Variants in SYCP2 observed in about 807,000 individuals in gnomAD.
The protein encoded by SYCP2 is synaptonemal complex lateral element protein.
In SYCP2, 55 loss-of-function variants were observed where a neutral mutation model predicts 211.3. The ratio of observed to expected loss-of-function variants is 0.26; its 90% CI spans 0.21 to 0.33. SYCP2 has a LOEUF of 0.33. Among genes scored for constraint, SYCP2 ranks in the 10% least tolerant of loss-of-function variants. The pLI is 1.00. For missense variants in SYCP2, 1,731 were observed against 1,752.0 expected, an observed-to-expected ratio of 0.99 and a Z score of 0.21; for synonymous variants, 570 against 555.2, an observed-to-expected ratio of 1.03 and a Z score of -0.37.
At chr20:59,879,335 TGTATCTGGTG>T (rs769008795) in intron 31 of SYCP2, among the ~76,000 whole-genome samples, 1,795 of 152,062 alleles carry the variant, frequency 0.012, 125 homozygotes, top group Admixed American at 0.098. Flanking sequence ...TACTTCCTCA[TGTATCTGGTG>T]ACCTCTCACC....
At position 59,921,337 on chromosome 20, in the gene SYCP2, G is replaced by C. The variant is rs1471723830; in HGVS notation, c.141C>G (p.Phe47Leu). The C allele has an allele frequency of 1.9e-6, 3 of 1,606,516 alleles. No individual in the cohort carries two copies. Among genetic ancestry groups the C allele is most frequent in the South Asian group, 1.1e-5 (1 of 90,250 alleles). Residue 47 changes from phenylalanine to leucine, a missense_variant, in exon 4 of 45, where the codon TTC (phenylalanine) becomes TTG (leucine). Coordinates refer to ENST00000357552, the MANE Select transcript of SYCP2 (RefSeq NM_014258.4). ...TGCATATAAGGTTGTCCACCTTGTG[G>C]AAAAACTGTTTGCTGCATTTAATCT... is the stretch of plus-strand genomic sequence containing the variant. Reference protein sequence around the residue: ...DVKIKCSKQFFHKVDNLICRE... With the variant: ...DVKIKCSKQFLHKVDNLICRE...
intron 26 of SYCP2, among the ~76,000 whole-genome samples, chr20:59,884,831 A>C (rs2059754538): frequency 6.6e-6 from 1 of 152,102 alleles, no homozygotes; most frequent in Non-Finnish European, 1.5e-5. Flanking sequence ...TACAAAGATG[A>C]TTCAAAATAT....
chr20:59,920,609 T>C, intron 4 of SYCP2, 122 bp from the exon 5 acceptor site: 1 of 810,568 alleles, frequency 1.2e-6, no homozygotes, highest in Non-Finnish European at 2.0e-6. Flanking sequence ...GTCATTTTAA[T>C]CATCTCTATA....
chr20:59,907,779 C>T (rs1432452913), intron 14 of SYCP2, among the ~76,000 whole-genome samples: 2 of 152,058 alleles, frequency 1.3e-5, no homozygotes, highest in Non-Finnish European at 2.9e-5. Flanking sequence ...TTCCTCAATT[C>T]CCACTCCTAC....
In SYCP2 at chr20:59,885,784, A is replaced by G. The variant is rs2059776194; in HGVS notation, c.2529+144T>C. 8.6e-6 allele frequency: 6 copies of G among 698,376 alleles called. No homozygotes were observed. In the South Asian group the frequency reaches 1.1e-4, roughly 12 times the overall value. 43.3% of individuals were successfully genotyped at this position (698,376 alleles called of 1,614,324 possible). A position where few individuals can be genotyped will look rare whatever the true frequency, so the allele number is the denominator to read the frequency against. On this transcript the variant is annotated intron_variant, in intron 26 of 44. Coordinates refer to ENST00000357552, the MANE Select transcript of SYCP2 (RefSeq NM_014258.4). ...AGGGCTATTTTGAGTACTTGCTATT[A>G]AACCTGTCAGTGGTTATCATTCATT... is the stretch of plus-strand genomic sequence containing the variant.
chr20:59,881,054 T>TA, intron 29 of SYCP2, 31 bp from the exon 30 acceptor site: 1 of 1,230,456 alleles, frequency 8.1e-7, no homozygotes, highest in Non-Finnish European at 1.2e-6. Context: ...AATTAAAAAA[T>TA]ACCCTTCATA....
chr20:59,874,095 G>T, intron 34 of SYCP2, 34 bp from the exon 35 acceptor site: 2 of 1,221,358 alleles, frequency 1.6e-6, no homozygotes, highest in South Asian at 1.6e-5. Context: ...GAAAATAGAT[G>T]GCAAGCGTTA....
In SYCP2 at chr20:59,892,580, T is replaced by C. The variant is rs1024193104; in HGVS notation, c.1915A>G (p.Thr639Ala). Residue 639 changes from threonine (T) to alanine (A), a missense_variant, in exon 23 of 45, where the codon ACA becomes GCA. Thr to Ala is a moderately conservative substitution (Grantham distance 58). Coordinates refer to ENST00000357552, the MANE Select transcript of SYCP2 (RefSeq NM_014258.4). ...AACTAAGTTTCACCTTGATTCAATG[T>C]GTCTCCTGACGAAGTACTTGCTCTT... ...NQRASTSSGD[T>A]LNQDIVINKK... 4.4e-6 allele frequency: 7 copies of C among 1,605,256 alleles called. No individual in the cohort carries two copies. The highest frequency in any genetic ancestry group is 5.9e-6 in the Non-Finnish European group (7 of 1,176,814).
chr20:59,918,621 T>A (rs1487479961), intron 7 of SYCP2, among the ~76,000 whole-genome samples: 2 of 152,210 alleles, frequency 1.3e-5, no homozygotes, highest in Non-Finnish European at 2.9e-5. Flanking sequence ...ATTCTATTAA[T>A]GCCTTTCAAG....
intron 14 of SYCP2, among the ~76,000 whole-genome samples, chr20:59,910,530 G>A (rs2060300786): frequency 6.6e-6 from 1 of 151,436 alleles, no homozygotes; most frequent in Non-Finnish European, 1.5e-5. Flanking sequence ...ACAGGCGCCT[G>A]CCACCACGCC....
intron 35 of SYCP2, among the ~76,000 whole-genome samples, chr20:59,872,584 G>C (rs879153957): frequency 6.6e-6 from 1 of 151,970 alleles, no homozygotes; most frequent in Non-Finnish European, 1.5e-5. Context: ...AGGAAAAAAA[G>C]ATAGTATATA....
rs181633990 is a variant in SYCP2, at chr20:59,868,880, C to G, written c.3787G>C (p.Glu1263Gln). The G allele has an allele frequency of 1.9e-6, 3 of 1,610,164 alleles. No individual in the cohort carries two copies. Among genetic ancestry groups the G allele is most frequent in the African/African-American group, 2.7e-5 (2 of 74,732 alleles). Residue 1263 changes from glutamate (E) to glutamine (Q), a missense_variant, in exon 37 of 45, where the codon GAG (glutamate) becomes CAG (glutamine). By Grantham distance (29) the Glu-to-Gln change is conservative. Transcript: ENST00000357552. ...CAGGGCATGTCAAACCACGTTTTCTCTCTTCCTTCACTAGACTTGGATAAT... is the reference window on the plus strand; with the variant it reads ...CAGGGCATGTCAAACCACGTTTTCTGTCTTCCTTCACTAGACTTGGATAAT... Reference protein sequence around the residue: ...SSLSKSSEGREKTWFDMPCDA... With the variant: ...SSLSKSSEGRQKTWFDMPCDA...
chr20:59,922,266 C>A (rs2060555408), intron 3 of SYCP2, 124 bp downstream of exon 3: 1 of 836,482 alleles, frequency 1.2e-6, no homozygotes, highest in Non-Finnish European at 1.8e-6. Context: ...TTAAACTATT[C>A]TTGACCATTT....
intron 14 of SYCP2, 108 bp from the exon 15 acceptor site, chr20:59,907,532 A>C: frequency 1.3e-6 from 1 of 792,980 alleles, no homozygotes; most frequent in Non-Finnish European, 2.1e-6. Flanking sequence ...TTTGCTAGTC[A>C]CTAAGTAACT....
At chr20:59,866,737 T>C (rs1167527680) in intron 39 of SYCP2, 148 bp from the exon 40 acceptor site, 1 of 607,398 alleles carries the variant, frequency 1.6e-6, no homozygotes, top group Non-Finnish European at 2.8e-6. Flanking sequence ...TTATTTAAAC[T>C]GAAGTGTTAA....
At chr20:59,878,555 T>C (rs922671174) in intron 31 of SYCP2, among the ~76,000 whole-genome samples, 2 of 152,178 alleles carry the variant, frequency 1.3e-5, no homozygotes, top group Admixed American at 6.6e-5. Flanking sequence ...TTGTGTATAA[T>C]GCTGAATCTA....
chr20:59,878,731 A>G (rs1000555306), intron 31 of SYCP2, among the ~76,000 whole-genome samples: 1 of 152,118 alleles, frequency 6.6e-6, no homozygotes, highest in Non-Finnish European at 1.5e-5. Flanking sequence ...TGTCCTGTAT[A>G]ATATCCTACG....
intron 3 of SYCP2, 69 bp from the exon 4 acceptor site, chr20:59,921,522 A>T: frequency 8.6e-7 from 1 of 1,168,910 alleles, no homozygotes; most frequent in South Asian, 2.5e-5. Context: ...CAATCTAGTA[A>T]TTTGAGAACC....
rs186135688 is a variant in SYCP2 at position 59,880,297 on chromosome 20, T to G, written c.2941+6A>C. The G allele has an allele frequency of 6.4e-7, 1 of 1,562,074 alleles. No individual in the cohort carries two copies. The highest frequency in any genetic ancestry group is 1.4e-5 in the African/African-American group (1 of 73,708). ...TGCAACATTTATCCAAAAGATAATTTCTTACTTGATTTTCCACTTTTATGA... is the reference window on the plus strand; with the variant it reads ...TGCAACATTTATCCAAAAGATAATTGCTTACTTGATTTTCCACTTTTATGA... On this transcript the variant is annotated splice_donor_region_variant and intron_variant, in intron 31 of 44. Transcript: ENST00000357552.
Sources: gnomAD v4.1 joint callset for allele counts (sites outside exome capture counted in the v4.1 genomes callset) on GRCh38, gnomAD v4.1.1 for gene constraint, MANE v1.5 for transcripts, NCBI Gene and HGNC (gene_info 2026-07-23, HGNC 2026-07-21) for gene names.